MDGA2: variants seen among roughly 807,000 people sequenced by gnomAD.
The protein encoded by MDGA2 is MAM domain-containing glycosylphosphatidylinositol anchor protein 2.
A neutral mutation model predicts 117.8 loss-of-function variants in MDGA2; 40 were observed. That is an observed-to-expected ratio of 0.34 (90% CI 0.26 to 0.44). MDGA2 has a LOEUF of 0.44. Ranked by LOEUF, MDGA2 falls within the 20% of genes least tolerant of loss-of-function variation. MDGA2 has a pLI of 1.00. For missense variants in MDGA2, 1,123 were observed against 1,250.6 expected, an observed-to-expected ratio of 0.90 and a Z score of 1.54; for synonymous variants, 452 against 439.0, an observed-to-expected ratio of 1.03 and a Z score of -0.37.
At chr14:47,606,395 C>G (rs1425660804) in intron 1 of MDGA2, among the ~76,000 whole-genome samples, 3 of 152,194 alleles carry the variant, frequency 2.0e-5, no homozygotes, top group Non-Finnish European at 4.4e-5. Flanking sequence ...CCTAATGAAA[C>G]TTTTTAAATT....
chr14:47,158,326 T>C (rs1883484740), intron 3 of MDGA2, among the ~76,000 whole-genome samples: 1 of 151,578 alleles, frequency 6.6e-6, no homozygotes, highest in Admixed American at 6.6e-5. Context: ...AATGAAATCA[T>C]TTAAGGGCAC....
intron 8 of MDGA2, among the ~76,000 whole-genome samples, chr14:46,983,757 C>G (rs1886767796): frequency 6.6e-6 from 1 of 152,024 alleles, no homozygotes; most frequent in Non-Finnish European, 1.5e-5. Flanking sequence ...TAACTTTTCA[C>G]TAACATATTT....
chr14:46,849,844 T>C (rs2138284095), intron 15 of MDGA2, among the ~76,000 whole-genome samples: 1 of 151,920 alleles, frequency 6.6e-6, no homozygotes, highest in Admixed American at 6.6e-5. Flanking sequence ...GATAAAACCA[T>C]TTTCGTTTCC....
chr14:47,186,305 TATTA>T (rs1230581410), intron 3 of MDGA2, among the ~76,000 whole-genome samples: 9 of 151,736 alleles, frequency 5.9e-5, no homozygotes, highest in Non-Finnish European at 3.0e-5. Flanking sequence ...GAATTTGGCT[TATTA>T]ATTTTAATTT....
At chr14:47,458,393 T>C (rs1269250665) in intron 1 of MDGA2, among the ~76,000 whole-genome samples, 1 of 152,158 alleles carries the variant, frequency 6.6e-6, no homozygotes, top group Non-Finnish European at 1.5e-5. Flanking sequence ...ATGGTTTCCT[T>C]CTGGAAGTTT....
At chr14:46,988,872 G>T (rs143358445) in intron 8 of MDGA2, among the ~76,000 whole-genome samples, 65 of 151,906 alleles carry the variant, frequency 4.3e-4, no homozygotes, top group African/African-American at 1.5e-3. Context: ...AGTAGCATGC[G>T]CAACAGAATC....
intron 9 of MDGA2, among the ~76,000 whole-genome samples, chr14:46,948,633 C>G (rs979249092): frequency 3.3e-5 from 5 of 152,028 alleles, no homozygotes; most frequent in African/African-American, 1.2e-4. Flanking sequence ...CTGTTGCCCT[C>G]ATTTCTATAC....
At chr14:47,044,162 G>A (rs56093966) in intron 7 of MDGA2, among the ~76,000 whole-genome samples, 30,095 of 151,470 alleles carry the variant, frequency 0.2, 3,038 homozygotes, top group Admixed American at 0.29. Context: ...GAAAACCATT[G>A]ATTAATAATC....
intron 10 of MDGA2, among the ~76,000 whole-genome samples, chr14:46,899,249 C>G (rs1883194370): frequency 6.6e-6 from 1 of 152,040 alleles, no homozygotes; most frequent in Non-Finnish European, 1.5e-5. Flanking sequence ...AGTGTTTTCT[C>G]TCCTCCCCAC....
chr14:46,895,706 G>A (rs1316122313), intron 10 of MDGA2, among the ~76,000 whole-genome samples: 2 of 151,016 alleles, frequency 1.3e-5, no homozygotes, highest in African/African-American at 4.9e-5. Flanking sequence ...CAGCCTGGGC[G>A]ACAGAGCAAG....
Position 46,882,210 on chromosome 14 carries a change from C to G in MDGA2, c.2250G>C (p.Gln750His). Residue 750 changes from glutamine (Q) to histidine (H), a missense_variant, in exon 11 of 17, where the codon CAG becomes CAC. Around this residue, in one of 2 missense-constraint regions of MDGA2, gnomAD observed 890 missense variants for 1,050.3 expected, o/e 0.85. Coordinates refer to ENST00000399232, the MANE Select transcript of MDGA2 (RefSeq NM_001113498.3). ...YRLGIRQAGQ[Q>H]RWWEQEIKIN... is the part of the protein sequence containing the mutation. ...TTTTAATCTCCTGCTCCCACCAGCG[C>G]TGCTGTCCAGCCTGAAATCAAAACA... 6.2e-7 allele frequency: 1 copy of G among 1,608,962 alleles called. No homozygotes were observed. The highest frequency in any genetic ancestry group is 1.1e-5 in the South Asian group (1 of 90,144).
chr14:47,107,925 C>T (rs968909805), intron 5 of MDGA2, among the ~76,000 whole-genome samples: 5 of 151,528 alleles, frequency 3.3e-5, no homozygotes, highest in East Asian at 1.9e-4. Flanking sequence ...TCATCTCTTC[C>T]GTTCTGTCAG....
intron 9 of MDGA2, among the ~76,000 whole-genome samples, chr14:46,942,774 T>C (rs1885043726): frequency 6.6e-6 from 1 of 152,154 alleles, no homozygotes; most frequent in Non-Finnish European, 1.5e-5. Context: ...ATTTCGTGAA[T>C]AGATCACAAG....
chr14:46,952,140 A>G (rs552945963), intron 9 of MDGA2, among the ~76,000 whole-genome samples: 1 of 152,066 alleles, frequency 6.6e-6, no homozygotes, highest in South Asian at 2.1e-4. Flanking sequence ...ACTTAAATAT[A>G]TAATAAATGC....
chr14:47,313,471 T>C (rs998437845), intron 1 of MDGA2, among the ~76,000 whole-genome samples: 1 of 152,026 alleles, frequency 6.6e-6, no homozygotes, highest in Non-Finnish European at 1.5e-5. Context: ...TGTTTTGTTT[T>C]GTTTTGTAGA....
At chr14:47,019,121 C>T (rs915275433) in intron 8 of MDGA2, among the ~76,000 whole-genome samples, 13 of 152,200 alleles carry the variant, frequency 8.5e-5, no homozygotes, top group Middle Eastern at 3.4e-3. Context: ...GAATTCCTCA[C>T]AGCTTTCAAA....
chr14:47,050,806 T>A (rs925623127), intron 7 of MDGA2, among the ~76,000 whole-genome samples: 2 of 151,964 alleles, frequency 1.3e-5, no homozygotes. Flanking sequence ...TTAAAGATAC[T>A]TGCATTGGTG....
intron 1 of MDGA2, among the ~76,000 whole-genome samples, chr14:47,451,402 C>T (rs1363465775): frequency 6.6e-6 from 1 of 151,906 alleles, no homozygotes; most frequent in Non-Finnish European, 1.5e-5. Flanking sequence ...AACATATATA[C>T]CTGGTATACT....
chr14:47,531,161 C>T (rs200984929), intron 1 of MDGA2, among the ~76,000 whole-genome samples: 7 of 152,136 alleles, frequency 4.6e-5, no homozygotes, highest in Admixed American at 2.0e-4. Flanking sequence ...AGGAGAATGG[C>T]GTGAACCCAG....
Sources: gnomAD v4.1 joint callset for allele counts (sites outside exome capture counted in the v4.1 genomes callset) on GRCh38, gnomAD v4.1.1 for gene constraint, gnomAD v4.1.1 regional missense constraint, MANE v1.5 for transcripts, NCBI Gene and HGNC (gene_info 2026-07-23, HGNC 2026-07-21) for gene names.